Variants in TENM4 observed in about 807,000 individuals in gnomAD.
The protein encoded by TENM4 is teneurin-4.
Under a neutral mutation model 243.3 loss-of-function variants are expected in TENM4, and 82 were observed. The observed-to-expected ratio is 0.34, with a 90% CI of 0.28 to 0.40. The LOEUF (loss-of-function observed/expected upper bound fraction) is 0.40. TENM4 is among the 10% of genes least tolerant of loss of function. The probability of loss-of-function intolerance (pLI) is 1.00; values close to 1 mark genes in which losing one functional copy is unlikely to be tolerated. For synonymous variants in TENM4, 1,412 were observed against 1,456.3 expected (o/e 0.97, Z 0.69); for missense variants, 3,138 against 3,673.3 (o/e 0.85, Z 3.77).
intron 2 of TENM4, among the ~76,000 whole-genome samples, chr11:79,293,008 A>G (rs1856382803): frequency 6.6e-6 from 1 of 152,204 alleles, no homozygotes; most frequent in Non-Finnish European, 1.5e-5. Flanking sequence ...TCACAGTCCA[A>G]TGGGAAAGGA....
chr11:78,846,588 C>T (rs557872529), intron 12 of TENM4, among the ~76,000 whole-genome samples: 4 of 152,218 alleles, frequency 2.6e-5, no homozygotes, highest in South Asian at 2.1e-4. Flanking sequence ...TAATGGAAAA[C>T]GTCCATGGTT....
chr11:78,687,521 A>G (rs76582028), intron 29 of TENM4, among the ~76,000 whole-genome samples: 3,585 of 152,266 alleles, frequency 0.024, 141 homozygotes, highest in African/African-American at 0.082. Flanking sequence ...GCAGATAATT[A>G]ACAGCAAGAT....
At position 79,440,064 on chromosome 11, in the gene TENM4, T is replaced by C. The variant is rs369856521; in HGVS notation, c.-321+445A>G. On this transcript the variant is annotated intron_variant, in intron 1 of 33. Transcript: ENST00000278550. The surrounding 1 kb of genome is among the most constrained non-coding windows in gnomAD (Gnocchi z 4.7). ...GCCCCGCAGGGCAGGCTGCAGCCGCTGAAGCCCGGCGCCGCCTCGCGGGCT... is the reference window on the plus strand; with the variant it reads ...GCCCCGCAGGGCAGGCTGCAGCCGCCGAAGCCCGGCGCCGCCTCGCGGGCT... Among the ~76,000 whole-genome samples, 1 of 152,050 alleles carries C rather than the reference T, an allele frequency of 6.6e-6. No individual in the cohort carries two copies. The highest frequency in any genetic ancestry group is 1.5e-5 in the Non-Finnish European group (1 of 67,986).
At chr11:79,236,975 C>G (rs1360421264) in intron 2 of TENM4, among the ~76,000 whole-genome samples, 1 of 152,116 alleles carries the variant, frequency 6.6e-6, no homozygotes, top group South Asian at 2.1e-4. Flanking sequence ...GTTAAAGGAG[C>G]CCTATGCCAT....
rs200437630 is a variant in TENM4, at chr11:78,658,456, G to A, written c.7912C>T (p.Arg2638Trp). The A allele has an allele frequency of 4.8e-4, 771 of 1,613,988 alleles. No individual in the cohort carries two copies. Among genetic ancestry groups the A allele is most frequent in the Non-Finnish European group, 6.0e-4 (710 of 1,179,888 alleles). The change falls in exon 34 of 34, where the codon CGG (arginine) becomes TGG (tryptophan). Residue 2638 changes from arginine (R) to tryptophan (W), a missense_variant. Transcript: ENST00000278550. Reference protein sequence around the residue: ...DLAILGLSGGRRTLENGVNVT... With the variant: ...DLAILGLSGGWRTLENGVNVT... ...TTGACCCCATTCTCCAGGGTTCGCC[G>A]CCCCCCACTGAGGCCCAGGATGGCC...
intron 9 of TENM4, among the ~76,000 whole-genome samples, chr11:78,884,361 C>T (rs1460682087): frequency 6.6e-6 from 1 of 152,208 alleles, no homozygotes; most frequent in East Asian, 1.9e-4. Context: ...AACCAAGGTT[C>T]AGAGAGGTTA....
At chr11:79,252,094 C>A (rs1246766037) in intron 2 of TENM4, among the ~76,000 whole-genome samples, 1 of 152,140 alleles carries the variant, frequency 6.6e-6, no homozygotes, top group Non-Finnish European at 1.5e-5. Context: ...TAAAAGCTCT[C>A]GGAGTGTTGG....
chr11:78,711,978 T>G (rs553321147), intron 26 of TENM4, among the ~76,000 whole-genome samples: 2 of 152,324 alleles, frequency 1.3e-5, no homozygotes, highest in South Asian at 4.1e-4. Flanking sequence ...AGGTTCAACT[T>G]TTTGAGGGAC....
Position 79,377,191 on chromosome 11 carries a change from G to A in TENM4, c.-321+63318C>T, listed in dbSNP as rs182671957. ...GAAGAGGCAGAAACAGATTCTCCCC[G>A]GAGCCTCCAGCACAGCCCTGTTGAA... is the stretch of plus-strand genomic sequence containing the variant. On this transcript the variant is annotated intron_variant, in intron 1 of 33. Transcript: ENST00000278550. Among the ~76,000 whole-genome samples, 29 of 152,292 alleles carry A rather than the reference G, an allele frequency of 1.9e-4. 1 individual carries two copies. The highest frequency in any genetic ancestry group is 1.7e-3 in the Admixed American group (26 of 15,302).
chr11:79,132,813 C>A (rs1036854868), intron 4 of TENM4, among the ~76,000 whole-genome samples: 3 of 152,102 alleles, frequency 2.0e-5, no homozygotes, highest in African/African-American at 4.8e-5. Context: ...AATAATGACA[C>A]AACCTATCAA....
chr11:78,862,931 A>G (rs1175393090), intron 10 of TENM4, 31 bp downstream of exon 10: 1 of 1,386,108 alleles, frequency 7.2e-7, no homozygotes, highest in East Asian at 2.7e-5. Context: ...GACACAGAGG[A>G]CTCACAACAC....
chr11:79,332,644 T>A (rs907468521), intron 1 of TENM4, among the ~76,000 whole-genome samples: 1 of 152,214 alleles, frequency 6.6e-6, no homozygotes. Context: ...TGTTTGGATA[T>A]CCAATGTTGT....
At chr11:78,907,111 C>A (rs1055536329) in intron 6 of TENM4, among the ~76,000 whole-genome samples, 1 of 152,108 alleles carries the variant, frequency 6.6e-6, no homozygotes. Context: ...GAAAGGGGAC[C>A]TTGATGTTTC....
intron 4 of TENM4, among the ~76,000 whole-genome samples, chr11:79,145,037 G>A (rs1018818227): frequency 2.6e-5 from 4 of 151,326 alleles, no homozygotes; most frequent in Admixed American, 6.6e-5. Context: ...AATATCTCAC[G>A]TGCCCCATAA....
chr11:79,323,217 T>C (rs1161286665), intron 1 of TENM4, among the ~76,000 whole-genome samples: 1 of 152,206 alleles, frequency 6.6e-6, no homozygotes, highest in African/African-American at 2.4e-5. Flanking sequence ...CACCTTTTTC[T>C]TCTAAATCCT....
chr11:78,940,717 A>C (rs1010104233), intron 6 of TENM4, among the ~76,000 whole-genome samples: 1 of 152,182 alleles, frequency 6.6e-6, no homozygotes, highest in African/African-American at 2.4e-5. Flanking sequence ...CCTGAGCCCC[A>C]CTGGCTTGGA....
chr11:78,741,527 C>T (rs1305972039), intron 19 of TENM4, among the ~76,000 whole-genome samples: 6 of 152,168 alleles, frequency 3.9e-5, no homozygotes, highest in Non-Finnish European at 7.3e-5. Context: ...TAACATCAAA[C>T]ATGGCAAAAT....
intron 17 of TENM4, 47 bp downstream of exon 17, chr11:78,778,555 A>AAC (rs770223845): frequency 1.3e-6 from 2 of 1,587,136 alleles, no homozygotes; most frequent in Non-Finnish European, 1.7e-6. Context: ...CTCATACACA[A>AAC]ACACACACAC....
intron 6 of TENM4, among the ~76,000 whole-genome samples, chr11:79,005,865 GCT>G (rs573961626): frequency 3.6e-4 from 55 of 152,058 alleles, no homozygotes; most frequent in Non-Finnish European, 6.8e-4. Context: ...CTACCCAAAA[GCT>G]CCTAGATCTG....
Sources: gnomAD v4.1 joint callset for allele counts (sites outside exome capture counted in the v4.1 genomes callset) on GRCh38, gnomAD v4.1.1 for gene constraint, Gnocchi (gnomAD v3.1) non-coding constraint, MANE v1.5 for transcripts, NCBI Gene and HGNC (gene_info 2026-07-23, HGNC 2026-07-21) for gene names.